Variants in GRID1 observed in about 807,000 individuals in gnomAD.
The protein encoded by GRID1 is glutamate receptor ionotropic, delta-1.
Under a neutral mutation model 98.0 loss-of-function variants are expected in GRID1, and 28 were observed. The observed-to-expected ratio is 0.29, with a 90% CI of 0.21 to 0.39. The LOEUF (loss-of-function observed/expected upper bound fraction) is 0.39, where lower values mean the gene tolerates loss of function less well. Ranked by LOEUF, GRID1 falls within the 10% of genes least tolerant of loss-of-function variation. GRID1 has a pLI of 1.00. For missense variants in GRID1, 1,111 were observed against 1,340.5 expected (o/e 0.83, Z 2.67); for synonymous variants, 553 against 538.5 (o/e 1.03, Z -0.37).
At chr10:86,291,980 G>A (rs1847519607) in intron 2 of GRID1, among the ~76,000 whole-genome samples, 1 of 152,196 alleles carries the variant, frequency 6.6e-6, no homozygotes. Context: ...TCTCAAGCCA[G>A]GGCCTATTCC....
At chr10:85,946,033 G>A (rs977629062) in intron 4 of GRID1, among the ~76,000 whole-genome samples, 1 of 152,184 alleles carries the variant, frequency 6.6e-6, no homozygotes, top group Non-Finnish European at 1.5e-5. Context: ...GTATCTGCCA[G>A]GTAGCATTCA....
intron 3 of GRID1, among the ~76,000 whole-genome samples, chr10:86,193,559 G>T (rs915633558): frequency 1.3e-5 from 2 of 151,956 alleles, no homozygotes; most frequent in Admixed American, 6.5e-5. Context: ...TAGTACCCAG[G>T]GTGGGTCCCT....
At chr10:85,888,291 G>A (rs1841146391) in intron 5 of GRID1, among the ~76,000 whole-genome samples, 1 of 152,086 alleles carries the variant, frequency 6.6e-6, no homozygotes, top group African/African-American at 2.4e-5. Flanking sequence ...CCATTCCCAA[G>A]CGTGGGCCCA....
chr10:86,072,444 C>G (rs1362077233), intron 4 of GRID1, among the ~76,000 whole-genome samples: 5 of 152,148 alleles, frequency 3.3e-5, no homozygotes, highest in Non-Finnish European at 7.4e-5. Flanking sequence ...AAGTTATTTC[C>G]TCATCTTACC....
At chr10:85,989,018 GA>G (rs1400873235) in intron 4 of GRID1, among the ~76,000 whole-genome samples, 4 of 152,196 alleles carry the variant, frequency 2.6e-5, no homozygotes, top group African/African-American at 9.7e-5. Context: ...TGCGGTTTGT[GA>G]GGGAAGAAAC....
intron 4 of GRID1, among the ~76,000 whole-genome samples, chr10:85,933,998 T>C (rs1342899916): frequency 6.6e-6 from 1 of 152,114 alleles, no homozygotes; most frequent in Non-Finnish European, 1.5e-5. Context: ...AGGCTGAGGG[T>C]TTCCTAGGTA....
chr10:85,702,558 T>C (rs1004662175), intron 12 of GRID1, among the ~76,000 whole-genome samples: 1 of 152,138 alleles, frequency 6.6e-6, no homozygotes, highest in Non-Finnish European at 1.5e-5. Flanking sequence ...AAGTTTCTGT[T>C]TGCATATACA....
intron 4 of GRID1, among the ~76,000 whole-genome samples, chr10:85,941,536 T>G (rs1259716566): frequency 6.6e-6 from 1 of 152,240 alleles, no homozygotes; most frequent in African/African-American, 2.4e-5. Flanking sequence ...TTTTATATTT[T>G]CCAAATTGCC....
chr10:86,084,425 A>G (rs1844021385), intron 4 of GRID1, among the ~76,000 whole-genome samples: 2 of 152,200 alleles, frequency 1.3e-5, no homozygotes, highest in Non-Finnish European at 2.9e-5. Context: ...CACTATTGAC[A>G]GAAATGTAAA....
At chr10:85,821,537 A>AAAAAAAAAAAAAAC (rs1842771891) in intron 8 of GRID1, among the ~76,000 whole-genome samples, 1 of 145,590 alleles carries the variant, frequency 6.9e-6, no homozygotes, top group Non-Finnish European at 1.5e-5. Context: ...AAAAAAAAAA[A>AAAAAAAAAAAAAAC]AAAAAAAAGA....
chr10:86,134,926 C>G (rs1266360122), intron 4 of GRID1, among the ~76,000 whole-genome samples: 1 of 152,240 alleles, frequency 6.6e-6, no homozygotes, highest in South Asian at 2.1e-4. Context: ...GTCCTCCCCA[C>G]CAAGCTGGGA....
chr10:86,075,986 G>C (rs1275917628), intron 4 of GRID1, among the ~76,000 whole-genome samples: 8 of 152,210 alleles, frequency 5.3e-5, no homozygotes, highest in African/African-American at 1.9e-4. Flanking sequence ...TCATGCCCTA[G>C]GCATGGCACC....
At chr10:86,328,958 G>C (rs891477534) in intron 2 of GRID1, among the ~76,000 whole-genome samples, 1 of 152,098 alleles carries the variant, frequency 6.6e-6, no homozygotes, top group African/African-American at 2.4e-5. Context: ...CTGGGATTTT[G>C]AGGGCTGAAC....
intron 2 of GRID1, among the ~76,000 whole-genome samples, chr10:86,363,703 C>T (rs1471494826): frequency 2.0e-5 from 3 of 152,184 alleles, no homozygotes; most frequent in Admixed American, 2.0e-4. Flanking sequence ...CCACGCAACC[C>T]GCAAGAACAC....
intron 10 of GRID1, among the ~76,000 whole-genome samples, chr10:85,726,685 A>T (rs79074157): frequency 0.037 from 5,645 of 152,192 alleles, 133 homozygotes; most frequent in Middle Eastern, 0.048. Context: ...ATCTTGTGTG[A>T]CTCCATTTAC....
At position 86,113,999 on chromosome 10, in the gene GRID1, G is replaced by A. The variant is rs569457630; in HGVS notation, c.726+24820C>T. ...AGGTTTGTAAGCAGAGGCCACTGCT[G>A]GAGCCTGTGTAGTGGAGAGATGAGC... is the stretch of plus-strand genomic sequence containing the variant. On this transcript the variant is annotated intron_variant, in intron 4 of 15. Transcript: ENST00000327946. 4.6e-5 allele frequency among the ~76,000 whole-genome samples: 7 copies of A among 152,216 alleles called. No homozygotes were observed. The South Asian group carries it at 6.2e-4, about 14-fold the overall frequency.
intron 4 of GRID1, among the ~76,000 whole-genome samples, chr10:85,972,336 C>G (rs972824525): frequency 2.0e-4 from 30 of 151,226 alleles, no homozygotes; most frequent in Non-Finnish European, 4.4e-4. Flanking sequence ...TGAAACAACC[C>G]TAATGGAAAT....
chr10:86,284,837 G>A (rs144800416), intron 2 of GRID1, among the ~76,000 whole-genome samples: 185 of 152,362 alleles, frequency 1.2e-3, no homozygotes, highest in Admixed American at 3.5e-3. Flanking sequence ...AGAGTGGGCA[G>A]TGGGCACTGT....
chr10:86,060,288 T>C (rs974375283), intron 4 of GRID1, among the ~76,000 whole-genome samples: 3 of 152,192 alleles, frequency 2.0e-5, no homozygotes, highest in Non-Finnish European at 2.9e-5. Flanking sequence ...CTCCCCTAAA[T>C]ATAGGATTTC....
Sources: allele counts gnomAD v4.1 joint callset (sites outside exome capture counted in the v4.1 genomes callset), GRCh38; gene constraint gnomAD v4.1.1; transcripts MANE v1.5; gene names NCBI Gene and HGNC (gene_info 2026-07-23, HGNC 2026-07-21).